The following PCSK2 variants were observed in gnomAD, a reference collection of about 807,000 sequenced individuals.
PCSK2 encodes the protein proprotein convertase subtilisin/kexin type 2.
A neutral mutation model predicts 69.7 loss-of-function variants in PCSK2; 14 were observed. That is an observed-to-expected ratio of 0.20 (90% CI 0.13 to 0.31). PCSK2 has a LOEUF of 0.31. Ranked by LOEUF, PCSK2 falls within the 10% of genes least tolerant of loss-of-function variation. PCSK2 has a pLI of 1.00. For synonymous variants in PCSK2, 307 were observed against 320.7 expected, an observed-to-expected ratio of 0.96 and a Z score of 0.46; for missense variants, 544 against 842.5, an observed-to-expected ratio of 0.65 and a Z score of 4.39.
intron 1 of PCSK2, among the ~76,000 whole-genome samples, chr20:17,230,156 A>G (rs1191489801): frequency 6.6e-6 from 1 of 152,136 alleles, no homozygotes; most frequent in Non-Finnish European, 1.5e-5. Context: ...GTTATTGTGC[A>G]TCTTAGAGGC....
intron 5 of PCSK2, among the ~76,000 whole-genome samples, chr20:17,406,276 C>T (rs753237025): frequency 5.9e-5 from 9 of 152,210 alleles, no homozygotes; most frequent in Admixed American, 4.6e-4. Flanking sequence ...AAACAGAACG[C>T]TTGCAAAATA....
At position 17,240,897 on chromosome 20, in the gene PCSK2, T is replaced by C. The variant is rs944949558; in HGVS notation, c.177+13415T>C. On this transcript the variant is annotated intron_variant, in intron 1 of 11. Transcript: ENST00000262545. ...AAAGCTGGTTCAATTGTATCAACAA[T>C]GCATTGTCTAAACCACAGCCAGTAA... Among the ~76,000 whole-genome samples, 102 of 152,314 alleles carry C rather than the reference T, an allele frequency of 6.7e-4. 1 individual carries two copies. The highest frequency in any genetic ancestry group is 2.4e-3 in the African/African-American group (98 of 41,560).
At chr20:17,326,233 C>A (rs1224936030) in intron 2 of PCSK2, among the ~76,000 whole-genome samples, 4 of 152,176 alleles carry the variant, frequency 2.6e-5, no homozygotes, top group African/African-American at 9.7e-5. Context: ...TTTAGAGAAG[C>A]AAACAGCCAA....
At chr20:17,359,175 G>A (rs1390854476) in intron 3 of PCSK2, among the ~76,000 whole-genome samples, 3 of 152,172 alleles carry the variant, frequency 2.0e-5, no homozygotes, top group South Asian at 2.1e-4. Context: ...AAAAAGTGAT[G>A]AACAAGAGAG....
rs1361333604 is a variant in PCSK2, at chr20:17,483,364, T to C, written c.*1294T>C. 1.3e-5 allele frequency: 2 copies of C among 152,194 alleles called. No individual in the cohort carries two copies. The highest frequency in any genetic ancestry group is 1.9e-4 in the East Asian group (1 of 5,204). 9.4% of individuals were successfully genotyped at this position (152,194 alleles called of 1,614,324 possible). ...GGCAACTAAGCAGTCCCTGAGACCATTTAACATGCAACCCGAAGGTTATGG... is the reference window on the plus strand; with the variant it reads ...GGCAACTAAGCAGTCCCTGAGACCACTTAACATGCAACCCGAAGGTTATGG... On this transcript the variant is annotated 3_prime_UTR_variant, in exon 12 of 12. Coordinates refer to ENST00000262545, the MANE Select transcript of PCSK2 (RefSeq NM_002594.5).
intron 2 of PCSK2, among the ~76,000 whole-genome samples, chr20:17,301,222 G>A (rs921681138): frequency 5.9e-5 from 9 of 152,148 alleles, no homozygotes; most frequent in African/African-American, 2.2e-4. Context: ...TCCAGCACTG[G>A]CTGGATGTGG....
chr20:17,307,798 G>A (rs1600475374), intron 2 of PCSK2, among the ~76,000 whole-genome samples: 2 of 152,210 alleles, frequency 1.3e-5, no homozygotes, highest in Admixed American at 6.5e-5. Flanking sequence ...GAGTATTAAA[G>A]CATGGAATAT....
At position 17,239,841 on chromosome 20, in the gene PCSK2, CTTTTTTTTTT is replaced by C. The variant is rs869179656; in HGVS notation, c.177+12379_177+12388del. 2.5e-4 allele frequency among the ~76,000 whole-genome samples: 17 copies of C among 68,658 alleles called. No homozygotes were observed. In the East Asian group the frequency reaches 5.0e-3, roughly 20 times the overall value. The allele number at this position is 68,658 out of a possible 152,430, so 45.0% of individuals were successfully genotyped here. On this transcript the variant is annotated intron_variant, in intron 1 of 11. Coordinates refer to ENST00000262545, the MANE Select transcript of PCSK2 (RefSeq NM_002594.5). The stretch of plus-strand genomic sequence containing the variant: ...AAAATCAAACCCCAAGGTGAAAACA[CTTTTTTTTTT>C]TTTTTTTTTTTTTTTTTTTGTGAGA...
rs888581263 is a variant in PCSK2, at chr20:17,483,536, G to A, written c.*1466G>A. The A allele has an allele frequency of 3.9e-5, 6 of 152,186 alleles. No homozygotes were observed. Among genetic ancestry groups the A allele is most frequent in the Non-Finnish European group, 7.3e-5 (5 of 68,060 alleles). 9.4% of individuals were successfully genotyped at this position (152,186 alleles called of 1,614,324 possible). A position where few individuals can be genotyped will look rare whatever the true frequency, so the allele number is the denominator to read the frequency against. The stretch of plus-strand genomic sequence containing the variant: ...CTCTCCAGGCACCATCTCCCTTCCT[G>A]TGGGAGCAGAGAGCTTAGCCTGGAG... On this transcript the variant is annotated 3_prime_UTR_variant, in exon 12 of 12. Transcript: ENST00000262545.
intron 2 of PCSK2, among the ~76,000 whole-genome samples, chr20:17,347,688 T>A (rs1404971261): frequency 6.6e-6 from 1 of 151,742 alleles, no homozygotes; most frequent in Non-Finnish European, 1.5e-5. Flanking sequence ...TTGATAATAA[T>A]GGGAAGGCAG....
intron 2 of PCSK2, among the ~76,000 whole-genome samples, chr20:17,348,335 G>A (rs181630137): frequency 1.3e-5 from 2 of 152,334 alleles, no homozygotes; most frequent in East Asian, 1.9e-4. Flanking sequence ...CCTAGCTTGA[G>A]GTGTTTTGGA....
chr20:17,433,284 C>A (rs2032405593), intron 7 of PCSK2, among the ~76,000 whole-genome samples: 1 of 152,178 alleles, frequency 6.6e-6, no homozygotes, highest in African/African-American at 2.4e-5. Flanking sequence ...CATAACACTG[C>A]AGATAAACAT....
intron 6 of PCSK2, among the ~76,000 whole-genome samples, chr20:17,426,882 A>G (rs994716120): frequency 1.3e-5 from 2 of 152,248 alleles, no homozygotes; most frequent in Non-Finnish European, 2.9e-5. Context: ...ATACCCTTGC[A>G]GCAACACCTA....
intron 2 of PCSK2, among the ~76,000 whole-genome samples, chr20:17,331,626 A>G (rs1990208628): frequency 6.6e-6 from 1 of 152,174 alleles, no homozygotes; most frequent in African/African-American, 2.4e-5. Flanking sequence ...CACCAGAAAA[A>G]CAGATCTTGG....
chr20:17,411,727 AC>A (rs949524512), intron 6 of PCSK2, among the ~76,000 whole-genome samples: 67 of 152,278 alleles, frequency 4.4e-4, no homozygotes, highest in African/African-American at 1.6e-3. Flanking sequence ...TGGGTCCCTT[AC>A]CCCCATGTAG....
chr20:17,392,329 C>T (rs1277416453), intron 5 of PCSK2, among the ~76,000 whole-genome samples: 1 of 151,972 alleles, frequency 6.6e-6, no homozygotes, highest in Non-Finnish European at 1.5e-5. Context: ...GAATAGGTCC[C>T]CTAAAAAAGG....
chr20:17,403,536 T>C lies in PCSK2; in HGVS notation c.544-5727T>C, dbSNP rs191078522. ...ACAGATGAGCTTTGTTCTGGGGCAA[T>C]ATGGTTGCAGTTTGAGAGTCTATCT... On this transcript the variant is annotated intron_variant, in intron 5 of 11. Coordinates refer to ENST00000262545, the MANE Select transcript of PCSK2 (RefSeq NM_002594.5). Among the ~76,000 whole-genome samples, 7 of 152,352 alleles carry C rather than the reference T, an allele frequency of 4.6e-5. No homozygotes were observed. The East Asian group carries it at 1.4e-3, about 29-fold the overall frequency.
rs547585468 is a variant in PCSK2, at chr20:17,459,798, G to A, written c.1202+3350G>A. On this transcript the variant is annotated intron_variant, in intron 10 of 11. Transcript: ENST00000262545. ...TGACTTTTCAATGCCTGTTCCCCGG[G>A]AATACTTAAGCTGCCAGCCTGTCGC... Among the ~76,000 whole-genome samples, 6 of 152,322 alleles carry A rather than the reference G, an allele frequency of 3.9e-5. No individual in the cohort carries two copies. The East Asian group carries it at 1.2e-3, about 29-fold the overall frequency.
At chr20:17,261,726 C>G (rs1987395410) in intron 2 of PCSK2, among the ~76,000 whole-genome samples, 1 of 152,190 alleles carries the variant, frequency 6.6e-6, no homozygotes, top group Admixed American at 6.5e-5. Flanking sequence ...GGATCTTGCC[C>G]TGAACCCAAG....
Sources: gnomAD v4.1 joint callset for allele counts (sites outside exome capture counted in the v4.1 genomes callset) on GRCh38, gnomAD v4.1.1 for gene constraint, MANE v1.5 for transcripts, NCBI Gene and HGNC (gene_info 2026-07-23, HGNC 2026-07-21) for gene names.